Variants in SRGAP3 observed in about 807,000 individuals in gnomAD.
SRGAP3 encodes the protein SLIT-ROBO Rho GTPase activating protein 3, also known as SLIT-ROBO Rho GTPase-activating protein 3.
Under a neutral mutation model 121.1 loss-of-function variants are expected in SRGAP3, and 39 were observed. The ratio of observed to expected loss-of-function variants is 0.32; its 90% confidence interval spans 0.25 to 0.42. SRGAP3 has a LOEUF of 0.42. SRGAP3 is among the 10% of genes least tolerant of loss of function. The probability of loss-of-function intolerance (pLI) is 1.00; values close to 1 mark genes in which losing one functional copy is unlikely to be tolerated. For synonymous variants in SRGAP3, 601 were observed against 570.0 expected (o/e 1.05, Z -0.77); for missense variants, 1,213 against 1,470.6 (o/e 0.82, Z 2.86).
intron 3 of SRGAP3, among the ~76,000 whole-genome samples, chr3:9,280,018 G>T (rs1030645742): frequency 2.6e-5 from 4 of 152,206 alleles, no homozygotes; most frequent in African/African-American, 7.2e-5. Context: ...CTGGCATTTG[G>T]TTGAGTGGAC....
chr3:9,273,485 A>T (rs1260405419), intron 3 of SRGAP3, among the ~76,000 whole-genome samples: 1 of 152,094 alleles, frequency 6.6e-6, no homozygotes, highest in East Asian at 1.9e-4. Flanking sequence ...TTCTTTATAT[A>T]AGCCAGATAT....
intron 1 of SRGAP3, among the ~76,000 whole-genome samples, chr3:9,225,350 C>T (rs1408006527): frequency 6.6e-6 from 1 of 152,134 alleles, no homozygotes; most frequent in Non-Finnish European, 1.5e-5. Context: ...CTACTGTCTG[C>T]AAATGTCTAG....
intron 1 of SRGAP3, among the ~76,000 whole-genome samples, chr3:9,200,053 G>A (rs558660459): frequency 6.6e-6 from 1 of 152,356 alleles, no homozygotes; most frequent in South Asian, 2.1e-4. Flanking sequence ...AATGCAAGTT[G>A]ATTAAAGGAG....
chr3:9,139,688 C>T (rs1949782337), intron 1 of SRGAP3, among the ~76,000 whole-genome samples: 1 of 152,232 alleles, frequency 6.6e-6, no homozygotes, highest in Non-Finnish European at 1.5e-5. Flanking sequence ...CAATTTGCTA[C>T]AGCAGCTATC....
intron 1 of SRGAP3, among the ~76,000 whole-genome samples, chr3:9,231,531 A>G (rs1378567475): frequency 2.0e-5 from 3 of 152,216 alleles, no homozygotes; most frequent in Non-Finnish European, 4.4e-5. Flanking sequence ...CTGGAAGACT[A>G]TCTTAATATT....
chr3:9,256,763 G>T (rs1216207416), intron 3 of SRGAP3: 1 of 396,334 alleles, frequency 2.5e-6, no homozygotes, highest in Non-Finnish European at 4.4e-6. Flanking sequence ...TTTCAGCTCC[G>T]CCTGCATTCT....
At chr3:9,346,649 A>G (rs1488050512) in intron 1 of SRGAP3, among the ~76,000 whole-genome samples, 1 of 152,094 alleles carries the variant, frequency 6.6e-6, no homozygotes, top group Non-Finnish European at 1.5e-5. Context: ...TCCTAGATTT[A>G]CTACATTGGC....
intron 3 of SRGAP3, among the ~76,000 whole-genome samples, chr3:9,094,062 C>A (rs1021415220): frequency 6.6e-6 from 1 of 152,148 alleles, no homozygotes; most frequent in Non-Finnish European, 1.5e-5. Context: ...GTTATAGATA[C>A]ACTAGAAATG....
chr3:9,066,578 C>T (rs1319596620), intron 4 of SRGAP3, among the ~76,000 whole-genome samples: 4 of 152,136 alleles, frequency 2.6e-5, no homozygotes, highest in African/African-American at 9.7e-5. Context: ...TGGCTCACTG[C>T]AACCTCCACC....
At chr3:9,112,677 C>A (rs1363759485) in intron 2 of SRGAP3, among the ~76,000 whole-genome samples, 1 of 152,206 alleles carries the variant, frequency 6.6e-6, no homozygotes, top group East Asian at 1.9e-4. Context: ...CTTCTCATCA[C>A]TGAGACCTGA....
intron 1 of SRGAP3, among the ~76,000 whole-genome samples, chr3:9,228,610 G>C (rs1953079583): frequency 6.6e-6 from 1 of 152,156 alleles, no homozygotes; most frequent in African/African-American, 2.4e-5. Flanking sequence ...GGGTGCTGGG[G>C]ATGCAGCCTG....
chr3:9,342,198 A>T (rs1197980651), intron 1 of SRGAP3, among the ~76,000 whole-genome samples: 1 of 152,096 alleles, frequency 6.6e-6, no homozygotes, highest in African/African-American at 2.4e-5. Flanking sequence ...TAAAAATACA[A>T]AAATTACCTG....
chr3:9,136,325 G>T (rs1348237498), intron 1 of SRGAP3, among the ~76,000 whole-genome samples: 1 of 152,024 alleles, frequency 6.6e-6, no homozygotes, highest in Non-Finnish European at 1.5e-5. Flanking sequence ...CCAGCGCCGG[G>T]GCTGGAGGCA....
At chr3:9,014,268 G>A (rs958267130) in intron 15 of SRGAP3, 11 of 279,886 alleles carry the variant, frequency 3.9e-5, no homozygotes, top group Non-Finnish European at 7.1e-5. Context: ...CCAGGTTCCC[G>A]AACAGTGCAT....
intron 2 of SRGAP3, among the ~76,000 whole-genome samples, chr3:9,119,708 C>A (rs1948933244): frequency 6.6e-6 from 1 of 152,236 alleles, no homozygotes; most frequent in African/African-American, 2.4e-5. Flanking sequence ...AGGACTGCAG[C>A]TGCTGTCCTG....
At chr3:9,150,730 C>T (rs1485882891) in intron 1 of SRGAP3, among the ~76,000 whole-genome samples, 1 of 152,148 alleles carries the variant, frequency 6.6e-6, no homozygotes, top group Non-Finnish European at 1.5e-5. Context: ...CAAAAGTATG[C>T]TCCGCCTCTA....
chr3:9,088,396 C>A (rs1947589850), intron 3 of SRGAP3, among the ~76,000 whole-genome samples: 1 of 152,138 alleles, frequency 6.6e-6, no homozygotes, highest in African/African-American at 2.4e-5. Context: ...CAAGAGCCAG[C>A]CATCATGAAT....
chr3:9,330,903 C>T (rs1955595216), intron 1 of SRGAP3, among the ~76,000 whole-genome samples: 1 of 152,198 alleles, frequency 6.6e-6, no homozygotes, highest in Non-Finnish European at 1.5e-5. Context: ...GCTATTATTA[C>T]AGACGCATAC....
intron 20 of SRGAP3, among the ~76,000 whole-genome samples, chr3:8,992,079 G>C (rs912138645): frequency 1.3e-5 from 2 of 152,190 alleles, no homozygotes; most frequent in African/African-American, 4.8e-5. Context: ...GGAATTTGCA[G>C]AAAAGAGGCA....
Sources: allele counts gnomAD v4.1 joint callset (sites outside exome capture counted in the v4.1 genomes callset), GRCh38; gene constraint gnomAD v4.1.1; transcripts MANE v1.5; gene names NCBI Gene and HGNC (gene_info 2026-07-23, HGNC 2026-07-21).